The following NCR3LG1 variants were observed in gnomAD, a reference collection of about 807,000 sequenced individuals.
NCR3LG1 encodes the protein natural killer cell cytotoxicity receptor 3 ligand 1, also known as natural cytotoxicity triggering receptor 3 ligand 1.
A neutral mutation model predicts 34.8 loss-of-function variants in NCR3LG1; 35 were observed. The observed-to-expected ratio is 1.01, with a 90% CI of 0.77 to 1.33. The LOEUF (loss-of-function observed/expected upper bound fraction) is 1.33, where lower values mean the gene tolerates loss of function less well. NCR3LG1 is among the 40% of genes most tolerant of loss of function. The pLI, the probability that NCR3LG1 is intolerant of heterozygous loss-of-function variation, is 0.00. For missense variants in NCR3LG1, 452 were observed against 423.3 expected (o/e 1.07, Z -0.60); for synonymous variants, 173 against 163.6 (o/e 1.06, Z -0.44).
intron 1 of NCR3LG1, 144 bp downstream of exon 1, chr11:17,352,183 T>A: frequency 2.3e-6 from 1 of 439,242 alleles, no homozygotes; most frequent in Non-Finnish European, 3.9e-6. Context: ...TCTCCTTTTT[T>A]TTTTTTTTTT....
intron 2 of NCR3LG1, among the ~76,000 whole-genome samples, chr11:17,362,687 CCTTCCTTT>C (rs1192372396): frequency 2.0e-3 from 32 of 15,974 alleles, no homozygotes; most frequent in Non-Finnish European, 2.6e-3. Flanking sequence ...TTCCTTCCTT[CCTTCCTTT>C]CTTTCTTTCT....
intron 1 of NCR3LG1, among the ~76,000 whole-genome samples, chr11:17,353,391 C>T (rs1953162090): frequency 6.6e-6 from 1 of 151,840 alleles, no homozygotes; most frequent in South Asian, 2.1e-4. Context: ...GCGCTTGTCT[C>T]CGCGCTGCGG....
chr11:17,363,500 TTCCCTCCCTCCCTCCCTCCC>T (rs1184253378), intron 2 of NCR3LG1, among the ~76,000 whole-genome samples: 2 of 84,344 alleles, frequency 2.4e-5, no homozygotes, highest in South Asian at 4.6e-4. Flanking sequence ...TGTCTTTCTT[TTCCCTCCCTCCCTCCCTCCC>T]TCCCTCCCTC....
rs1591678287 is a variant in NCR3LG1, at chr11:17,356,912, G to A, written c.332G>A (p.Gly111Glu). The change falls in exon 2 of 5, where the codon GGA becomes GAA. Residue 111 changes from glycine (G) to glutamate (E), a missense_variant. Coordinates refer to ENST00000338965, the MANE Select transcript of NCR3LG1 (RefSeq NM_001202439.3). ...KSGDASLRLP[G>E]IQLEEAGEYR... ...GGGGACGCCTCACTGCGGCTGCCTG[G>A]AATCCAGCTGGAGGAAGCAGGAGAG... The A allele has an allele frequency of 6.5e-7, 1 of 1,536,140 alleles. No homozygotes were observed. Among genetic ancestry groups the A allele is most frequent in the South Asian group, 1.2e-5 (1 of 84,058 alleles).
Position 17,357,024 on chromosome 11 carries a change from C to T in NCR3LG1, c.421+23C>T, listed in dbSNP as rs561463908. 28 of 1,444,646 alleles carry T rather than the reference C, an allele frequency of 1.9e-5. No individual in the cohort carries two copies. The South Asian group carries it at 3.7e-4, about 19-fold the overall frequency. 89.5% of individuals were successfully genotyped at this position (1,444,646 alleles called of 1,614,324 possible). A position where few individuals can be genotyped will look rare whatever the true frequency, so the allele number is the denominator to read the frequency against. The stretch of plus-strand genomic sequence containing the variant: ...TGGGTGAGTGTCTCGGGGCAGTGCC[C>T]TACAGTTCCCATGGTGTTGGGGTTA... On this transcript the variant is annotated intron_variant, in intron 2 of 4. Transcript: ENST00000338965.
intron 4 of NCR3LG1, among the ~76,000 whole-genome samples, chr11:17,369,330 T>A (rs1279767271): frequency 6.6e-6 from 1 of 152,100 alleles, no homozygotes; most frequent in Non-Finnish European, 1.5e-5. Context: ...TCTCACACAT[T>A]TAGAAACTAT....
downstream of NCR3LG1, among the ~76,000 whole-genome samples, chr11:17,378,239 T>G (rs1350833555): frequency 6.6e-6 from 1 of 152,176 alleles, no homozygotes; most frequent in African/African-American, 2.4e-5. Flanking sequence ...ATGTCACTTC[T>G]AGATCAATAC....
chr11:17,359,975 G>A (rs1414336844), intron 2 of NCR3LG1, among the ~76,000 whole-genome samples: 1 of 152,084 alleles, frequency 6.6e-6, no homozygotes, highest in East Asian at 1.9e-4. Flanking sequence ...GAGTGCAGTG[G>A]TGTGATTACA....
intron 2 of NCR3LG1, among the ~76,000 whole-genome samples, chr11:17,362,692 CT>C (rs1198456129): frequency 0.34 from 1,696 of 4,922 alleles, 34 homozygotes; most frequent in Non-Finnish European, 0.37. Flanking sequence ...TCCTTCCTTC[CT>C]TTCTTTCTTT....
At position 17,356,756 on chromosome 11, in the gene NCR3LG1, C is replaced by A; in HGVS notation, c.176C>A (p.Thr59Lys). 6.5e-7 allele frequency: 1 copy of A among 1,536,372 alleles called. No homozygotes were observed. The highest frequency in any genetic ancestry group is 1.2e-5 in the South Asian group (1 of 84,060). ...TTTTATTCCCAACCCCTCAACATCA[C>A]GTCTATGGGTATCACCTGGTTTTGG... ...NIFYSQPLNITSMGITWFWKS... is the reference protein window; with the variant it reads ...NIFYSQPLNIKSMGITWFWKS... The change falls in exon 2 of 5, where the codon ACG (threonine) becomes AAG (lysine). Residue 59 changes from threonine (T) to lysine (K), a missense_variant. Thr to Lys is a moderately conservative substitution (Grantham distance 78). Transcript: ENST00000338965.
intron 3 of NCR3LG1, among the ~76,000 whole-genome samples, chr11:17,368,310 G>C (rs962279090): frequency 6.6e-6 from 1 of 152,122 alleles, no homozygotes; most frequent in Non-Finnish European, 1.5e-5. Context: ...GGTGTGGGTG[G>C]CTCTGCTGGT....
chr11:17,372,099 C>T lies in NCR3LG1; in HGVS notation c.952C>T (p.Leu318Phe), dbSNP rs1381398484. Reference protein sequence around the residue: ...FDTQTLKKEHLIFFCTRAWPS... With the variant: ...FDTQTLKKEHFIFFCTRAWPS... Reference sequence around the variant, plus strand: ...CACTCAGACTCTGAAGAAAGAGCACCTCATATTCTTTTGCACTCGGGCATG... The same window carrying T: ...CACTCAGACTCTGAAGAAAGAGCACTTCATATTCTTTTGCACTCGGGCATG... The change falls in exon 5 of 5, where the codon CTC (leucine) becomes TTC (phenylalanine). Residue 318 changes from leucine to phenylalanine, a missense_variant. Leu to Phe is a conservative substitution (Grantham distance 22). Coordinates refer to ENST00000338965, the MANE Select transcript of NCR3LG1 (RefSeq NM_001202439.3). 1.0e-5 allele frequency: 7 copies of T among 702,988 alleles called. No individual in the cohort carries two copies. Among genetic ancestry groups the T allele is most frequent in the Non-Finnish European group, 1.8e-5 (7 of 385,014 alleles). 43.5% of individuals were successfully genotyped at this position (702,988 alleles called of 1,614,324 possible).
chr11:17,353,700 G>GGCGCCCAGTGACGGCAGCAGCA (rs1555120008), intron 1 of NCR3LG1, among the ~76,000 whole-genome samples: 1 of 128,008 alleles, frequency 7.8e-6, no homozygotes, highest in Non-Finnish European at 1.6e-5. Context: ...GCTGTGCGGC[G>GGCGCCCAGTGACGGCAGCAGCA]GCGCCCAGTG....
At position 17,367,230 on chromosome 11, in the gene NCR3LG1, C is replaced by G. The variant is rs1953354978; in HGVS notation, c.643C>G (p.Leu215Val). ...ATTTAATGTCACTAGCTGCTTGAAG[C>G]TGAACTCCTCTCAGGAAGACCCTGG... ...GTFNVTSCLK[L>V]NSSQEDPGTV... The change falls in exon 3 of 5, where the codon CTG becomes GTG. Residue 215 changes from leucine (L) to valine (V), a missense_variant. Leu to Val is a conservative substitution (Grantham distance 32). Transcript: ENST00000338965. The G allele has an allele frequency of 6.5e-7, 1 of 1,536,286 alleles. No homozygotes were observed. The highest frequency in any genetic ancestry group is 8.7e-7 in the Non-Finnish European group (1 of 1,146,984).
intron 2 of NCR3LG1, among the ~76,000 whole-genome samples, chr11:17,366,532 A>C (rs1953345816): frequency 6.6e-6 from 1 of 152,214 alleles, no homozygotes; most frequent in Non-Finnish European, 1.5e-5. Context: ...AAGAGCAATT[A>C]GCAGTCTCTA....
At chr11:17,362,540 A>C (rs1199597882) in intron 2 of NCR3LG1, among the ~76,000 whole-genome samples, 1 of 151,996 alleles carries the variant, frequency 6.6e-6, no homozygotes, top group Non-Finnish European at 1.5e-5. Flanking sequence ...ATTGTAAAAA[A>C]CTGGCATTAT....
rs536332406 is a variant in NCR3LG1, at chr11:17,364,180, CAGTTT to C, written c.422-2828_422-2824del. ...TAAATTCTTTTTTCTCCTTGTATTT[CAGTTT>C]GGGAAGTTTCTTTTTTAAAAATTGT... On this transcript the variant is annotated intron_variant, in intron 2 of 4. Transcript: ENST00000338965. 3.4e-4 allele frequency among the ~76,000 whole-genome samples: 51 copies of C among 151,802 alleles called. No individual in the cohort carries two copies. The East Asian group carries it at 8.3e-3, about 25-fold the overall frequency.
chr11:17,353,566 C>A (rs1953166614), intron 1 of NCR3LG1, among the ~76,000 whole-genome samples: 1 of 152,210 alleles, frequency 6.6e-6, no homozygotes, highest in Admixed American at 6.5e-5. Flanking sequence ...CCGGGCCCGG[C>A]GCCCCCTCCT....
chr11:17,372,059 C>G lies in NCR3LG1; in HGVS notation c.912C>G (p.His304Gln), dbSNP rs1953412133. Reference sequence around the variant, plus strand: ...CTCCTCTCAAGTGCATTCTGAAACACTGGAACTCCTTTGACACTCAGACTC... The same window carrying G: ...CTCCTCTCAAGTGCATTCTGAAACAGTGGAACTCCTTTGACACTCAGACTC... ...AYTPLKCILKHWNSFDTQTLK... is the reference protein window; with the variant it reads ...AYTPLKCILKQWNSFDTQTLK... The change falls in exon 5 of 5, where the codon CAC (histidine) becomes CAG (glutamine). Residue 304 changes from histidine (H) to glutamine (Q), a missense_variant. By Grantham distance (24) the His-to-Gln change is conservative (BLOSUM62 0). Coordinates refer to ENST00000338965, the MANE Select transcript of NCR3LG1 (RefSeq NM_001202439.3). The G allele has an allele frequency of 4.3e-6, 3 of 702,864 alleles. No individual in the cohort carries two copies. Among genetic ancestry groups the G allele is most frequent in the Middle Eastern group, 4.7e-4 (2 of 4,236 alleles). 43.5% of individuals were successfully genotyped at this position (702,864 alleles called of 1,614,324 possible).
Sources: allele counts gnomAD v4.1 joint callset (sites outside exome capture counted in the v4.1 genomes callset), GRCh38; gene constraint gnomAD v4.1.1; transcripts MANE v1.5; gene names NCBI Gene and HGNC (gene_info 2026-07-23, HGNC 2026-07-21).